The following DHRS4L2 variants were observed in gnomAD, a reference collection of about 807,000 sequenced individuals.
The protein encoded by DHRS4L2 is dehydrogenase/reductase 4 like 2.
DHRS4L2 carries 22 observed loss-of-function variants against 23.9 expected under a neutral mutation model. That is an observed-to-expected ratio of 0.92 (90% confidence interval 0.66 to 1.31). The LOEUF (loss-of-function observed/expected upper bound fraction) is 1.31, where lower values mean the gene tolerates loss of function less well. Ranked by LOEUF, DHRS4L2 falls within the 40% of genes most tolerant of loss-of-function variation. The pLI is 0.00. For missense variants in DHRS4L2, 385 were observed against 303.3 expected (o/e 1.27, Z -2.00); for synonymous variants, 141 against 123.7 (o/e 1.14, Z -0.93).
intron 1 of DHRS4L2, among the ~76,000 whole-genome samples, chr14:23,977,100 T>A (rs1280968578): frequency 6.6e-6 from 1 of 151,792 alleles, no homozygotes; most frequent in Non-Finnish European, 1.5e-5. Flanking sequence ...ACTCAAAGTA[T>A]AATAATAAAA....
At chr14:24,000,430 C>T (rs1404330979) in intron 3 of DHRS4L2, among the ~76,000 whole-genome samples, 3 of 151,728 alleles carry the variant, frequency 2.0e-5, no homozygotes, top group African/African-American at 7.2e-5. Context: ...AGCCCAGAAG[C>T]CAGAGAAGTG....
At chr14:23,972,001 G>T (rs1430393509) in intron 1 of DHRS4L2, among the ~76,000 whole-genome samples, 1 of 152,046 alleles carries the variant, frequency 6.6e-6, no homozygotes, top group African/African-American at 2.4e-5. Context: ...ATGTAAATGG[G>T]ATAAATGCCC....
upstream of DHRS4L2, among the ~76,000 whole-genome samples, chr14:23,986,886 G>A (rs1349729119): frequency 6.6e-6 from 1 of 151,672 alleles, no homozygotes. Context: ...AGCACAAGGA[G>A]TGTGGCGCTT....
At chr14:23,988,828 C>A, upstream of DHRS4L2, 1 of 1,434,012 alleles carries the variant, frequency 7.0e-7, no homozygotes, top group South Asian at 1.5e-5. Flanking sequence ...AGACGACTCC[C>A]AGCTGGCCGA....
At chr14:23,984,117 A>G (rs1019788981), upstream of DHRS4L2, among the ~76,000 whole-genome samples, 4 of 151,588 alleles carry the variant, frequency 2.6e-5, no homozygotes, top group African/African-American at 9.7e-5. Context: ...TTTGAAGGGC[A>G]GTATGTGCAG....
At chr14:23,986,514 AAAAAAAG>A (rs1415678038), upstream of DHRS4L2, among the ~76,000 whole-genome samples, 1 of 150,104 alleles carries the variant, frequency 6.7e-6, no homozygotes, top group African/African-American at 2.4e-5. Context: ...TAATAAAAAA[AAAAAAAG>A]AAAGAAAGAA....
intron 6 of DHRS4L2, among the ~76,000 whole-genome samples, chr14:24,001,957 C>CTTGTTTTT: frequency 1.8e-4 from 1 of 5,516 alleles, no homozygotes; most frequent in Non-Finnish European, 2.2e-4. Flanking sequence ...CTTTCCTCTT[C>CTTGTTTTT]TTTTTTTTTT....
At chr14:23,994,971 T>C (rs776695289) in intron 2 of DHRS4L2, 61 bp from the exon 3 acceptor site, 5 of 1,595,296 alleles carry the variant, frequency 3.1e-6, no homozygotes, top group Non-Finnish European at 4.3e-6. Context: ...TTTATCAACA[T>C]GGGTAAATGC....
chr14:23,972,560 T>C (rs1456983540), intron 1 of DHRS4L2, among the ~76,000 whole-genome samples: 1 of 151,690 alleles, frequency 6.6e-6, no homozygotes, highest in African/African-American at 2.4e-5. Context: ...CCCAAGCGGG[T>C]TGCTACTGCT....
At chr14:23,994,457 G>T (rs1016998850) in intron 2 of DHRS4L2, among the ~76,000 whole-genome samples, 8 of 151,722 alleles carry the variant, frequency 5.3e-5, no homozygotes, top group African/African-American at 1.7e-4. Flanking sequence ...GGATACCAAG[G>T]CAGGTGGATG....
chr14:23,987,343 A>G, upstream of DHRS4L2: 1 of 237,972 alleles, frequency 4.2e-6, no homozygotes, highest in Non-Finnish European at 8.6e-6. Flanking sequence ...GTTAGCCAGG[A>G]TGGACTTGAT....
chr14:23,998,366 C>G (rs539108558), intron 3 of DHRS4L2, among the ~76,000 whole-genome samples: 2 of 151,406 alleles, frequency 1.3e-5, no homozygotes, highest in South Asian at 4.2e-4. Flanking sequence ...ATAAGCCTGT[C>G]CTTTGAAGTT....
At chr14:23,995,736 A>G (rs1339962397) in intron 3 of DHRS4L2, among the ~76,000 whole-genome samples, 1 of 151,872 alleles carries the variant, frequency 6.6e-6, no homozygotes, top group Non-Finnish European at 1.5e-5. Flanking sequence ...ATTACATTAT[A>G]TTCATAATAT....
At position 24,001,032 on chromosome 14, in the gene DHRS4L2, G is replaced by A. The variant is rs774176435; in HGVS notation, c.480-1G>A. Reference sequence around the variant, plus strand: ...GACGGTCAGCTCTCTTCTTTTTCCAGAGGCGGCTCAGTGGTGATCGTGTCT... The same window carrying A: ...GACGGTCAGCTCTCTTCTTTTTCCAAAGGCGGCTCAGTGGTGATCGTGTCT... On this transcript the variant is annotated splice_acceptor_variant, in intron 4 of 7. Transcript: ENST00000335125. LOFTEE classifies it high-confidence loss of function. The A allele has an allele frequency of 7.4e-6, 12 of 1,611,524 alleles. 1 individual carries two copies. The highest frequency in any genetic ancestry group is 1.0e-5 in the Non-Finnish European group (12 of 1,179,488).
chr14:23,971,818 G>A (rs1594447938), intron 1 of DHRS4L2, among the ~76,000 whole-genome samples: 2 of 152,158 alleles, frequency 1.3e-5, no homozygotes, highest in Non-Finnish European at 2.9e-5. Context: ...TACAATAAGA[G>A]CTCCTGAAGG....
At chr14:23,988,907 TC>T (rs764450262), upstream of DHRS4L2, 101 of 1,605,604 alleles carry the variant, frequency 6.3e-5, 2 homozygotes, top group African/African-American at 5.1e-4. Flanking sequence ...CTCTGTCACC[TC>T]CGCTGGAAGG....
chr14:23,993,495 A>G (rs1003006945), intron 2 of DHRS4L2, among the ~76,000 whole-genome samples: 2 of 151,598 alleles, frequency 1.3e-5, no homozygotes, highest in Non-Finnish European at 2.9e-5. Flanking sequence ...AAGTTGACCA[A>G]GGGCCCACAT....
chr14:23,991,966 C>T (rs575869638), intron 2 of DHRS4L2, among the ~76,000 whole-genome samples: 5 of 151,536 alleles, frequency 3.3e-5, no homozygotes, highest in East Asian at 1.9e-4. Context: ...GAACTCCTGA[C>T]CTCAGGTGAT....
upstream of DHRS4L2, chr14:23,988,786 A>C: frequency 7.1e-7 from 1 of 1,403,650 alleles, no homozygotes; most frequent in Non-Finnish European, 9.3e-7. Flanking sequence ...GGGCGGGGCG[A>C]CTGGCGGGCG....
Sources: gnomAD v4.1 joint callset for allele counts (sites outside exome capture counted in the v4.1 genomes callset) on GRCh38, gnomAD v4.1.1 for gene constraint, MANE v1.5 for transcripts, NCBI Gene and HGNC (gene_info 2026-07-23, HGNC 2026-07-21) for gene names.